CCDC24: variants seen among roughly 807,000 people sequenced by gnomAD.
CCDC24 encodes coiled-coil domain-containing protein 24.
CCDC24 carries 34 observed loss-of-function variants against 31.6 expected under a neutral mutation model. The ratio of observed to expected loss-of-function variants is 1.08; its 90% confidence interval spans 0.82 to 1.43. The LOEUF (loss-of-function observed/expected upper bound fraction) is 1.43, where lower values mean the gene tolerates loss of function less well. CCDC24 is among the 40% of genes most tolerant of loss of function. The probability of loss-of-function intolerance (pLI) is 0.00; values close to 1 mark genes in which losing one functional copy is unlikely to be tolerated. For synonymous variants in CCDC24, 175 were observed against 157.3 expected, an observed-to-expected ratio of 1.11 and a Z score of -0.84; for missense variants, 426 against 391.1, an observed-to-expected ratio of 1.09 and a Z score of -0.75.
rs1349788516 is a variant in CCDC24 at position 43,995,715 on chromosome 1, C to T, written c.622+45C>T. The T allele has an allele frequency of 1.2e-6, 2 of 1,612,482 alleles. No individual in the cohort carries two copies. The highest frequency in any genetic ancestry group is 3.3e-5 in the Admixed American group (2 of 59,948). ...CCCAGAACACCCAGCCTCCTGCTCCCACCCCACACTTGTACACACCCTAGA... is the reference window on the plus strand; with the variant it reads ...CCCAGAACACCCAGCCTCCTGCTCCTACCCCACACTTGTACACACCCTAGA... On this transcript the variant is annotated intron_variant, in intron 7 of 8. Coordinates refer to ENST00000372318, the MANE Select transcript of CCDC24 (RefSeq NM_152499.4). This position sits in a 1 kb window ranked among gnomAD's most constrained non-coding sequence, Gnocchi z 4.3.
rs1297442798 is a variant in CCDC24, at chr1:43,996,120, C to T, written c.884C>T (p.Ser295Phe). 2 of 1,612,504 alleles carry T rather than the reference C, an allele frequency of 1.2e-6. No individual in the cohort carries two copies. Among genetic ancestry groups the T allele is most frequent in the South Asian group, 1.1e-5 (1 of 90,794 alleles). The change falls in exon 9 of 9, where the codon TCC (serine) becomes TTC (phenylalanine). Residue 295 changes from serine (S) to phenylalanine (F), a missense_variant. Transcript: ENST00000372318. ...TGCAGCCCCAGGGAAGGGCCAGCTTCCACACCCATGTCCAGTGCAGCACCC... is the reference window on the plus strand; with the variant it reads ...TGCAGCCCCAGGGAAGGGCCAGCTTTCACACCCATGTCCAGTGCAGCACCC... ...LQCSPREGPASTPMSSAAPQA... is the reference protein window; with the variant it reads ...LQCSPREGPAFTPMSSAAPQA...
intron 5 of CCDC24, chr1:43,994,801 C>T: frequency 2.3e-6 from 1 of 443,816 alleles, no homozygotes; most frequent in Non-Finnish European, 4.1e-6. Context: ...GGATTTTAAG[C>T]AGCGGAAGGG....
At chr1:43,994,102 A>G in intron 5 of CCDC24, 138 bp downstream of exon 5, 1 of 747,964 alleles carries the variant, frequency 1.3e-6, no homozygotes. Context: ...AGAGGTGGAA[A>G]GAGCTGGCTG....
At chr1:43,993,465 G>T (rs766397825) in intron 4 of CCDC24, among the ~76,000 whole-genome samples, 1 of 151,388 alleles carries the variant, frequency 6.6e-6, no homozygotes, top group African/African-American at 2.4e-5. Context: ...AGAAGCCTGG[G>T]CAACATAGTG....
In CCDC24 at chr1:43,991,981, C is replaced by T. The variant is rs2085752428; in HGVS notation, c.103C>T (p.Leu35=). The T allele has an allele frequency of 2.0e-6, 3 of 1,517,548 alleles. No homozygotes were observed. The highest frequency in any genetic ancestry group is 2.5e-5 in the South Asian group (2 of 80,340). The allele number at this position is 1,517,548 out of a possible 1,614,324, so 94.0% of individuals were successfully genotyped here. The part of the protein sequence containing the change: ...KRILGEAAVD[L]SLELRAEVAM... Reference sequence around the variant, plus strand: ...GATTCTGGGGGAGGCGGCGGTGGACCTGAGCCTGGAGCTGCGGGCGGAGGT... The same window carrying T: ...GATTCTGGGGGAGGCGGCGGTGGACTTGAGCCTGGAGCTGCGGGCGGAGGT... The change falls in exon 2 of 9, where the codon CTG becomes TTG. Residue 35 remains leucine, a synonymous_variant. Transcript: ENST00000372318.
chr1:43,993,988 G>A (rs763341713), intron 5 of CCDC24, 24 bp downstream of exon 5: 5 of 1,588,300 alleles, frequency 3.1e-6, no homozygotes, highest in Non-Finnish European at 3.5e-6. Flanking sequence ...GCACCTGCAT[G>A]TGTATAGGCA....
At position 43,991,830 on chromosome 1, in the gene CCDC24, T is replaced by A. The variant is rs748259081; in HGVS notation, c.-32-17T>A. ...CGGGCCCGCGGTACCTCCCGCACTCTGACCTGCGGCCCGTAGGTCCGAGCC... is the reference window on the plus strand; with the variant it reads ...CGGGCCCGCGGTACCTCCCGCACTCAGACCTGCGGCCCGTAGGTCCGAGCC... On this transcript the variant is annotated splice_polypyrimidine_tract_variant and intron_variant, in intron 1 of 8. Coordinates refer to ENST00000372318, the MANE Select transcript of CCDC24 (RefSeq NM_152499.4). 54 of 1,544,106 alleles carry A rather than the reference T, an allele frequency of 3.5e-5. No homozygotes were observed. In the Middle Eastern group the frequency reaches 1.7e-3, roughly 50 times the overall value.
intron 5 of CCDC24, chr1:43,994,886 G>C: frequency 1.7e-6 from 1 of 588,752 alleles, no homozygotes; most frequent in Non-Finnish European, 3.0e-6. Flanking sequence ...TGCCTGCCAG[G>C]GTGAGGCAGG....
chr1:43,992,388 G>T lies in CCDC24; in HGVS notation c.302+1G>T, dbSNP rs756951292. On this transcript the variant is annotated splice_donor_variant, in intron 3 of 8. Transcript: ENST00000372318. LOFTEE classifies it high-confidence loss of function. The stretch of plus-strand genomic sequence containing the variant: ...GCCACAAAGCCATCTGTGAGGGCAG[G>T]TGGGAGCCTCAGGCCTGGGCCCTTT... The T allele has an allele frequency of 1.9e-6, 3 of 1,614,172 alleles. No homozygotes were observed. In the South Asian group the frequency reaches 3.3e-5, roughly 18 times the overall value.
In CCDC24 at chr1:43,996,022, T is replaced by A; in HGVS notation, c.786T>A (p.Pro262=). The change falls in exon 9 of 9, where the codon CCT becomes CCA. Residue 262 remains proline (P), a synonymous_variant. Coordinates refer to ENST00000372318, the MANE Select transcript of CCDC24 (RefSeq NM_152499.4). The part of the protein sequence containing the change: ...CGVAPLQCCL[P]APPLEPYLRP... ...TTGCACCTCTCCAGTGCTGCCTGCC[T>A]GCACCTCCTCTGGAGCCCTACCTTC... is the stretch of plus-strand genomic sequence containing the variant. 6.2e-7 allele frequency: 1 copy of A among 1,614,178 alleles called. No individual in the cohort carries two copies. Among genetic ancestry groups the A allele is most frequent in the Non-Finnish European group, 8.5e-7 (1 of 1,180,034 alleles).
Position 43,993,867 on chromosome 1 carries a change from G to A in CCDC24, c.420-20G>A. ...CTGGGGTGAGCAACATGCGGAGAGT[G>A]ATAGTGACTTCATTGCCAGCAGCGG... On this transcript the variant is annotated intron_variant, in intron 4 of 8. Transcript: ENST00000372318. The A allele has an allele frequency of 6.2e-7, 1 of 1,613,344 alleles. No homozygotes were observed. The highest frequency in any genetic ancestry group is 8.5e-7 in the Non-Finnish European group (1 of 1,179,258).
At chr1:43,992,442 C>G in intron 3 of CCDC24, 55 bp downstream of exon 3, 3 of 1,612,426 alleles carry the variant, frequency 1.9e-6, no homozygotes, top group Admixed American at 3.3e-5. Flanking sequence ...CTAGCGCTGC[C>G]CCTAACAAGG....
intron 5 of CCDC24, chr1:43,994,816 G>A (rs2085803995): frequency 2.0e-6 from 1 of 495,254 alleles, no homozygotes; most frequent in South Asian, 3.1e-5. Context: ...GAAGGGCTGT[G>A]ATGTGGGGGA....
At chr1:43,991,790 G>C in intron 1 of CCDC24, 44 bp downstream of exon 1, 1 of 1,499,694 alleles carries the variant, frequency 6.7e-7, no homozygotes, top group South Asian at 1.2e-5. Flanking sequence ...GGCGGGGTTT[G>C]GTGAGCGTTG....
At chr1:43,992,152 G>C (rs772564519) in intron 2 of CCDC24, 60 bp from the exon 3 acceptor site, 1 of 1,534,040 alleles carries the variant, frequency 6.5e-7, no homozygotes, top group East Asian at 2.3e-5. Flanking sequence ...CACTCCCCCA[G>C]CCCCCACCAT....
chr1:43,992,164 C>T, intron 2 of CCDC24, 48 bp from the exon 3 acceptor site: 2 of 1,564,278 alleles, frequency 1.3e-6, no homozygotes, highest in South Asian at 2.4e-5. Context: ...CCCCACCATT[C>T]CGGACACTCC....
intron 4 of CCDC24, 126 bp from the exon 5 acceptor site, chr1:43,993,761 C>T: frequency 3.6e-6 from 3 of 841,712 alleles, no homozygotes; most frequent in Non-Finnish European, 3.8e-6. Flanking sequence ...GGCTCCCAAA[C>T]TCTTACTCTT....
At chr1:43,993,246 G>T (rs2085776326) in intron 4 of CCDC24, among the ~76,000 whole-genome samples, 2 of 151,500 alleles carry the variant, frequency 1.3e-5, no homozygotes, top group Non-Finnish European at 2.9e-5. Context: ...TTTGAGATCA[G>T]CCTGGGCAAT....
chr1:43,992,051 C>T, intron 2 of CCDC24, 47 bp downstream of exon 2: 1 of 1,385,112 alleles, frequency 7.2e-7, no homozygotes, highest in East Asian at 2.7e-5. Flanking sequence ...CCCCACGACT[C>T]GGGTGATTTC....
Sources: allele counts gnomAD v4.1 joint callset (sites outside exome capture counted in the v4.1 genomes callset), GRCh38; gene constraint gnomAD v4.1.1; non-coding constraint Gnocchi (gnomAD v3.1); transcripts MANE v1.5; gene names NCBI Gene and HGNC (gene_info 2026-07-23, HGNC 2026-07-21).